Variants in LRRC52 observed in about 807,000 individuals in gnomAD.
LRRC52 encodes the protein leucine-rich repeat-containing protein 52.
Under a neutral mutation model 14.7 loss-of-function variants are expected in LRRC52, and 15 were observed. The observed-to-expected ratio is 1.02, with a 90% CI of 0.68 to 1.58. The LOEUF is 1.58. Among genes scored for constraint, LRRC52 ranks in the 40% most tolerant of loss-of-function variants. LRRC52 has a pLI of 0.00. For synonymous variants in LRRC52, 180 were observed against 163.9 expected (o/e 1.10, Z -0.75); for missense variants, 400 against 387.7 (o/e 1.03, Z -0.27).
intron 1 of LRRC52, among the ~76,000 whole-genome samples, chr1:165,555,703 T>C (rs182900652): frequency 6.6e-6 from 1 of 152,286 alleles, no homozygotes. Context: ...TCAGGATACA[T>C]TTTGAAGGTA....
At chr1:165,546,693 C>T (rs1282274930) in intron 1 of LRRC52, among the ~76,000 whole-genome samples, 1 of 152,086 alleles carries the variant, frequency 6.6e-6, no homozygotes, top group Admixed American at 6.5e-5. Flanking sequence ...CATAGCTTGG[C>T]TTCCACCCCA....
Position 165,544,203 on chromosome 1 carries a change from G to GCCCCCCCC in LRRC52, c.-90_-89insCCCCCCCC. The GCCCCCCCC allele has an allele frequency of 1.0e-6, 1 of 1,001,752 alleles. No individual in the cohort carries two copies. 62.1% of individuals were successfully genotyped at this position (1,001,752 alleles called of 1,614,324 possible). A position where few individuals can be genotyped will look rare whatever the true frequency, so the allele number is the denominator to read the frequency against. The stretch of plus-strand genomic sequence containing the variant: ...CTAAAGTGTTACAGTTCTTTCCAGA[G>GCCCCCCCC]CCCCTCCCCCGCCCCACCCCCCCAC... On this transcript the variant is annotated 5_prime_UTR_variant, in exon 1 of 2. Transcript: ENST00000294818.
In LRRC52 at chr1:165,544,656, T is replaced by C. The variant is rs373153274; in HGVS notation, c.360T>C (p.Thr120=). The change falls in exon 1 of 2, where the codon ACT becomes ACC. Residue 120 remains threonine, a synonymous_variant. Transcript: ENST00000294818. ...ACCTAACCTCGATCTCCCCATTCAC[T>C]TTCTCGGTGCTCAGCAACCTGGTGC... ...SNNLTSISPF[T]FSVLSNLVQL... is the part of the protein sequence containing the mutation. The C allele has an allele frequency of 9.1e-5, 147 of 1,613,800 alleles. No homozygotes were observed. The highest frequency in any genetic ancestry group is 1.2e-4 in the Non-Finnish European group (138 of 1,179,968).
chr1:165,559,103 T>A (rs951815237), intron 1 of LRRC52, among the ~76,000 whole-genome samples: 2 of 152,124 alleles, frequency 1.3e-5, no homozygotes, highest in Non-Finnish European at 2.9e-5. Context: ...ATTTGTAAAG[T>A]GAAGGCCAGG....
intron 1 of LRRC52, among the ~76,000 whole-genome samples, chr1:165,560,995 T>G (rs900875559): frequency 7.9e-5 from 12 of 151,590 alleles, no homozygotes; most frequent in Non-Finnish European, 1.5e-4. Flanking sequence ...CAGAAGTGTG[T>G]GAAATGGCCC....
chr1:165,554,428 T>C (rs563984361), intron 1 of LRRC52, among the ~76,000 whole-genome samples: 35 of 150,804 alleles, frequency 2.3e-4, no homozygotes, highest in Middle Eastern at 3.4e-3. Context: ...TGATAGGTGG[T>C]TGTTGTTGTT....
chr1:165,548,493 G>A (rs1361113781), intron 1 of LRRC52, among the ~76,000 whole-genome samples: 7 of 152,156 alleles, frequency 4.6e-5, no homozygotes, highest in African/African-American at 1.7e-4. Flanking sequence ...CAGGACAAAC[G>A]AGGCCAGCAT....
chr1:165,556,451 C>T (rs1350118542), intron 1 of LRRC52, among the ~76,000 whole-genome samples: 6 of 152,168 alleles, frequency 3.9e-5, no homozygotes, highest in Non-Finnish European at 7.3e-5. Flanking sequence ...AACACAAATC[C>T]TTAAGGTTTT....
chr1:165,544,213 CGCCCCA>C lies in LRRC52; in HGVS notation c.-83_-78del. 49 of 1,159,318 alleles carry C rather than the reference CGCCCCA, an allele frequency of 4.2e-5. No homozygotes were observed. The highest frequency in any genetic ancestry group is 5.1e-5 in the Non-Finnish European group (43 of 836,686). The allele number at this position is 1,159,318 out of a possible 1,614,324, so 71.8% of individuals were successfully genotyped here. ...ACAGTTCTTTCCAGAGCCCCTCCCC[CGCCCCA>C]CCCCCCCACCGGCAGCCTTCGGATC... On this transcript the variant is annotated 5_prime_UTR_variant, in exon 1 of 2. Transcript: ENST00000294818.
chr1:165,563,372 T>G (rs1661387976), intron 1 of LRRC52, 133 bp from the exon 2 acceptor site: 2 of 713,086 alleles, frequency 2.8e-6, no homozygotes, highest in Non-Finnish European at 4.6e-6. Context: ...GTCCAGGTGA[T>G]GTCGATGCTG....
intron 1 of LRRC52, 88 bp downstream of exon 1, chr1:165,545,006 A>G: frequency 1.3e-6 from 2 of 1,522,132 alleles, no homozygotes; most frequent in Admixed American, 1.9e-5. Context: ...AATGGGAGAA[A>G]AAGTTGGGTG....
chr1:165,555,316 A>G lies in LRRC52; in HGVS notation c.623-8189A>G, dbSNP rs551411913. On this transcript the variant is annotated intron_variant, in intron 1 of 1. Transcript: ENST00000294818. ...GCCAAGGAAATATTACAAGGGGTGGAAGAAGGTCTTTCTAGACCAAGGGGA... is the reference window on the plus strand; with the variant it reads ...GCCAAGGAAATATTACAAGGGGTGGGAGAAGGTCTTTCTAGACCAAGGGGA... Among the ~76,000 whole-genome samples the G allele has an allele frequency of 2.6e-5, 4 of 152,304 alleles. No individual in the cohort carries two copies. In the South Asian group the frequency reaches 8.3e-4, roughly 32 times the overall value.
intron 1 of LRRC52, among the ~76,000 whole-genome samples, chr1:165,546,640 T>C (rs891534701): frequency 6.6e-6 from 1 of 152,044 alleles, no homozygotes; most frequent in Admixed American, 6.6e-5. Context: ...GTATAGCCCA[T>C]CAGGTTGCAA....
In LRRC52 at chr1:165,544,792, G is replaced by A. The variant is rs1660983876; in HGVS notation, c.496G>A (p.Asp166Asn). Residue 166 changes from aspartate (D) to asparagine (N), a missense_variant, in exon 1 of 2, where the codon GAC (aspartate) becomes AAC (asparagine). Transcript: ENST00000294818. ...DLRNTGLQTL[D>N]SAALYHLTTL... is the part of the protein sequence containing the mutation. Reference sequence around the variant, plus strand: ...CAGAAATACCGGCTTGCAGACCCTGGACAGTGCTGCCTTATACCACCTCAC... The same window carrying A: ...CAGAAATACCGGCTTGCAGACCCTGAACAGTGCTGCCTTATACCACCTCAC... 17 of 1,613,878 alleles carry A rather than the reference G, an allele frequency of 1.1e-5. No individual in the cohort carries two copies. The highest frequency in any genetic ancestry group is 1.4e-5 in the Non-Finnish European group (17 of 1,180,002).
At chr1:165,545,602 ATTC>A (rs1242020151) in intron 1 of LRRC52, among the ~76,000 whole-genome samples, 5 of 51,310 alleles carry the variant, frequency 9.7e-5, no homozygotes, top group Middle Eastern at 9.1e-3. Context: ...AAGCAGAGAG[ATTC>A]TAGTCTTACA....
chr1:165,558,632 A>G (rs1009644852), intron 1 of LRRC52, among the ~76,000 whole-genome samples: 8 of 152,208 alleles, frequency 5.3e-5, no homozygotes, highest in African/African-American at 1.9e-4. Context: ...AAAAGAAGGT[A>G]TGGTTAACGA....
At position 165,544,468 on chromosome 1, in the gene LRRC52, C is replaced by T. The variant is rs1315544507; in HGVS notation, c.172C>T (p.Leu58=). 2 of 1,614,176 alleles carry T rather than the reference C, an allele frequency of 1.2e-6. No individual in the cohort carries two copies. Among genetic ancestry groups the T allele is most frequent in the East Asian group, 4.5e-5 (2 of 44,882 alleles). ...PLDIPLNTRR[L]FLNENRITSL... ...TGACATACCCCTGAACACCCGGAGG[C>T]TGTTCCTGAACGAGAACAGAATCAC... The change falls in exon 1 of 2, where the codon CTG becomes TTG. Residue 58 remains leucine (L), a synonymous_variant. Coordinates refer to ENST00000294818, the MANE Select transcript of LRRC52 (RefSeq NM_001005214.4).
intron 1 of LRRC52, among the ~76,000 whole-genome samples, chr1:165,556,245 C>T (rs1303889525): frequency 6.6e-6 from 1 of 152,204 alleles, no homozygotes; most frequent in South Asian, 2.1e-4. Flanking sequence ...CAGTTATACA[C>T]GAGACCAGTT....
chr1:165,547,603 T>G (rs182018470), intron 1 of LRRC52, among the ~76,000 whole-genome samples: 3 of 152,056 alleles, frequency 2.0e-5, no homozygotes, highest in Admixed American at 6.6e-5. Flanking sequence ...CAAACACACA[T>G]GCAAACACAA....
Sources: gnomAD v4.1 joint callset for allele counts (sites outside exome capture counted in the v4.1 genomes callset) on GRCh38, gnomAD v4.1.1 for gene constraint, MANE v1.5 for transcripts, NCBI Gene and HGNC (gene_info 2026-07-23, HGNC 2026-07-21) for gene names.